TMEM132D: variants seen among roughly 807,000 people sequenced by gnomAD.
The protein encoded by TMEM132D is transmembrane protein 132D, also known as mature OL transmembrane protein.
In TMEM132D, 21 loss-of-function variants were observed where a neutral mutation model predicts 62.3. The observed-to-expected ratio is 0.34, with a 90% CI of 0.24 to 0.49. The LOEUF (loss-of-function observed/expected upper bound fraction) is 0.49, where lower values mean the gene tolerates loss of function less well. Ranked by LOEUF, TMEM132D falls within the 20% of genes least tolerant of loss-of-function variation. The pLI is 0.99. For missense variants in TMEM132D, 1,346 were observed against 1,402.8 expected, an observed-to-expected ratio of 0.96 and a Z score of 0.65; for synonymous variants, 621 against 575.6, an observed-to-expected ratio of 1.08 and a Z score of -1.13.
chr12:129,491,078 G>A (rs1318980378), intron 3 of TMEM132D, among the ~76,000 whole-genome samples: 1 of 152,020 alleles, frequency 6.6e-6, no homozygotes, highest in African/African-American at 2.4e-5. Flanking sequence ...CCAAATATAC[G>A]ACTTGATACA....
At chr12:129,236,104 TTGTGTGTGTGTGTG>T (rs71072452) in intron 4 of TMEM132D, among the ~76,000 whole-genome samples, 3 of 146,808 alleles carry the variant, frequency 2.0e-5, no homozygotes, top group East Asian at 2.0e-4. Flanking sequence ...TGATGCTATT[TTGTGTGTGTGTGTG>T]TGTGTGTGTG....
At chr12:129,524,513 T>A (rs1209567171) in intron 3 of TMEM132D, among the ~76,000 whole-genome samples, 1 of 152,214 alleles carries the variant, frequency 6.6e-6, no homozygotes, top group Non-Finnish European at 1.5e-5. Context: ...CACAACTTTT[T>A]AAAATTAATT....
At chr12:129,487,267 A>C (rs1874611979) in intron 3 of TMEM132D, among the ~76,000 whole-genome samples, 1 of 152,238 alleles carries the variant, frequency 6.6e-6, no homozygotes, top group Non-Finnish European at 1.5e-5. Context: ...AGATGCCGTC[A>C]CAGAGGCAGG....
At chr12:129,113,042 A>C (rs570178600) in intron 5 of TMEM132D, 2 of 152,128 alleles carry the variant, frequency 1.3e-5, no homozygotes, top group Non-Finnish European at 2.9e-5. Flanking sequence ...TCTGAGCCAA[A>C]TGTTTTTACT....
chr12:129,842,286 A>G lies in TMEM132D; in HGVS notation c.79+60975T>C, dbSNP rs186848792. On this transcript the variant is annotated intron_variant, in intron 1 of 8. Coordinates refer to ENST00000422113, the MANE Select transcript of TMEM132D (RefSeq NM_133448.3). ...TTTCACCTGGATGTCTGACCCCACA[A>G]TTGCAACATCTCATTTTCCCAAAGT... Among the ~76,000 whole-genome samples the G allele has an allele frequency of 7.2e-4, 109 of 151,792 alleles. 2 individuals carry two copies. The South Asian group carries it at 0.022, about 30-fold the overall frequency.
chr12:129,334,969 G>A (rs900507582), intron 4 of TMEM132D, among the ~76,000 whole-genome samples: 1 of 152,076 alleles, frequency 6.6e-6, no homozygotes, highest in Admixed American at 6.6e-5. Flanking sequence ...CTCTTCTTAT[G>A]TTGTAAAATA....
rs559122989 is a variant in TMEM132D at position 129,296,794 on chromosome 12, G to C, written c.1299+40840C>G. Among the ~76,000 whole-genome samples the C allele has an allele frequency of 2.0e-5, 3 of 152,278 alleles. No individual in the cohort carries two copies. In the East Asian group the frequency reaches 5.8e-4, roughly 29 times the overall value. The stretch of plus-strand genomic sequence containing the variant: ...GTGTCAGCCCCCAGAGCAGGGATTG[G>C]GGAAAGGAGGGGTGAGTCAGGGAAT... On this transcript the variant is annotated intron_variant, in intron 4 of 8. Coordinates refer to ENST00000422113, the MANE Select transcript of TMEM132D (RefSeq NM_133448.3).
At chr12:129,502,350 A>G (rs1209881994) in intron 3 of TMEM132D, among the ~76,000 whole-genome samples, 7 of 152,198 alleles carry the variant, frequency 4.6e-5, no homozygotes, top group Non-Finnish European at 8.8e-5. Context: ...ATCAAGGTTG[A>G]ATATCAATCA....
chr12:129,798,063 C>CCT (rs1168641495), intron 1 of TMEM132D, among the ~76,000 whole-genome samples: 1 of 151,950 alleles, frequency 6.6e-6, no homozygotes, highest in Non-Finnish European at 1.5e-5. Flanking sequence ...GCACCCTCCT[C>CCT]CTCTCTCTCT....
At chr12:129,636,377 T>C (rs919939288) in intron 2 of TMEM132D, among the ~76,000 whole-genome samples, 3 of 152,192 alleles carry the variant, frequency 2.0e-5, no homozygotes, top group African/African-American at 7.2e-5. Flanking sequence ...GGGTTAGAAT[T>C]TGGTATTTCA....
At chr12:129,760,775 A>C (rs1055628486) in intron 1 of TMEM132D, among the ~76,000 whole-genome samples, 2 of 151,840 alleles carry the variant, frequency 1.3e-5, no homozygotes, top group African/African-American at 4.8e-5. Flanking sequence ...TAAGCCCTGC[A>C]TGCATTAGGA....
chr12:129,119,038 C>T (rs529645462), intron 5 of TMEM132D, among the ~76,000 whole-genome samples: 48 of 152,306 alleles, frequency 3.2e-4, no homozygotes, highest in African/African-American at 1.1e-3. Context: ...ATGACATCTA[C>T]GCTGCCCTTG....
chr12:129,174,870 T>C (rs898187316), intron 5 of TMEM132D, among the ~76,000 whole-genome samples: 1 of 152,266 alleles, frequency 6.6e-6, no homozygotes, highest in Admixed American at 6.5e-5. Flanking sequence ...GCTGCATACA[T>C]GTCTTCTTTT....
chr12:129,660,643 C>T (rs1427559796), intron 2 of TMEM132D, among the ~76,000 whole-genome samples: 1 of 152,070 alleles, frequency 6.6e-6, no homozygotes, highest in Admixed American at 6.6e-5. Flanking sequence ...ATGTAAAAAA[C>T]GGGGTGTCAG....
intron 4 of TMEM132D, chr12:129,210,114 C>T (rs1289573373): frequency 6.1e-6 from 1 of 163,776 alleles, no homozygotes; most frequent in Admixed American, 5.9e-5. Context: ...GGATTTGAAC[C>T]TGGGAAGTCC....
At chr12:129,538,058 C>T (rs1276694931) in intron 2 of TMEM132D, among the ~76,000 whole-genome samples, 1 of 152,202 alleles carries the variant, frequency 6.6e-6, no homozygotes, top group Non-Finnish European at 1.5e-5. Flanking sequence ...GACAAAAAGA[C>T]ATCTAAAGAT....
chr12:129,224,116 G>A (rs1048028447), intron 4 of TMEM132D, among the ~76,000 whole-genome samples: 6 of 152,162 alleles, frequency 3.9e-5, no homozygotes, highest in Admixed American at 2.0e-4. Context: ...GAACCACTGC[G>A]GTGGGGCGAA....
At chr12:129,660,293 G>A (rs999529124) in intron 2 of TMEM132D, among the ~76,000 whole-genome samples, 2 of 135,738 alleles carry the variant, frequency 1.5e-5, no homozygotes, top group East Asian at 2.3e-4. Context: ...AGCACACAGT[G>A]GTTCACTGTG....
At chr12:129,283,819 T>C (rs1318784708) in intron 4 of TMEM132D, among the ~76,000 whole-genome samples, 1 of 152,196 alleles carries the variant, frequency 6.6e-6, no homozygotes, top group Non-Finnish European at 1.5e-5. Context: ...CTGGTGGAAG[T>C]GAGCCTCCAA....
Sources: allele counts gnomAD v4.1 joint callset (sites outside exome capture counted in the v4.1 genomes callset), GRCh38; gene constraint gnomAD v4.1.1; transcripts MANE v1.5; gene names NCBI Gene and HGNC (gene_info 2026-07-23, HGNC 2026-07-21).